USH2A: variants seen among roughly 807,000 people sequenced by gnomAD.
USH2A encodes usherin.
In USH2A, 443 loss-of-function variants were observed where a neutral mutation model predicts 538.9. That is an observed-to-expected ratio of 0.82 (90% CI 0.76 to 0.89). The LOEUF (loss-of-function observed/expected upper bound fraction) is 0.89. USH2A is among the 40% of genes least tolerant of loss of function. The pLI is 0.00. For synonymous variants in USH2A, 2,413 were observed against 2,273.5 expected (o/e 1.06, Z -1.75); for missense variants, 6,633 against 6,324.8 (o/e 1.05, Z -1.65).
rs1347259754 is a variant in USH2A, at chr1:215,856,842, T to TGG, written c.8845+10164_8845+10165insCC. On this transcript the variant is annotated intron_variant, in intron 44 of 71. Coordinates refer to ENST00000307340, the MANE Select transcript of USH2A (RefSeq NM_206933.4). The stretch of plus-strand genomic sequence containing the variant: ...TGGATAAAAAAATTTGGTGTGTGTG[T>TGG]GTGTGTGTGTGTGTGTGTGTGTGTG... Among the ~76,000 whole-genome samples the TGG allele has an allele frequency of 4.5e-3, 531 of 117,558 alleles. 3 individuals are homozygous for TGG. Among genetic ancestry groups the TGG allele is most frequent in the African/African-American group, 0.018 (507 of 27,420 alleles). 77.1% of individuals were successfully genotyped at this position (117,558 alleles called of 152,430 possible). A position where few individuals can be genotyped will look rare whatever the true frequency, so the allele number is the denominator to read the frequency against.
intron 35 of USH2A, among the ~76,000 whole-genome samples, chr1:215,978,165 G>A (rs1454373153): frequency 1.3e-5 from 2 of 152,138 alleles, no homozygotes; most frequent in Admixed American, 1.3e-4. Flanking sequence ...CTTACTTTGA[G>A]ACAGACAATA....
At chr1:216,321,165 C>A (rs1240996315) in intron 9 of USH2A, among the ~76,000 whole-genome samples, 1 of 152,096 alleles carries the variant, frequency 6.6e-6, no homozygotes, top group Non-Finnish European at 1.5e-5. Flanking sequence ...AACATATTTA[C>A]TGAAGAGTCT....
At chr1:215,907,945 T>C (rs529656124) in intron 38 of USH2A, among the ~76,000 whole-genome samples, 24 of 151,992 alleles carry the variant, frequency 1.6e-4, no homozygotes, top group Non-Finnish European at 2.9e-4. Context: ...CAACAATTGT[T>C]AGAATCCCGA....
At chr1:216,262,995 A>T (rs1003357357) in intron 11 of USH2A, among the ~76,000 whole-genome samples, 1 of 152,176 alleles carries the variant, frequency 6.6e-6, no homozygotes, top group African/African-American at 2.4e-5. Flanking sequence ...GACTATTATG[A>T]ATAACTATAT....
chr1:215,782,962 A>G lies in USH2A; in HGVS notation c.10388-27T>C, dbSNP rs7518466. ...TGGAAAGAGAAAAAATAGACAGGGA[A>G]GTTTCTCTTATTTTCATTTTTTAAC... On this transcript the variant is annotated intron_variant, in intron 52 of 71. Coordinates refer to ENST00000307340, the MANE Select transcript of USH2A (RefSeq NM_206933.4). 0.54 allele frequency: 862,904 copies of G among 1,597,496 alleles called. 235,087 individuals are homozygous for G. Among genetic ancestry groups the G allele is most frequent in the African/African-American group, 0.73 (54,181 of 74,482 alleles).
intron 4 of USH2A, among the ~76,000 whole-genome samples, chr1:216,359,685 T>C (rs2038453744): frequency 6.6e-6 from 1 of 152,136 alleles, no homozygotes; most frequent in Non-Finnish European, 1.5e-5. Flanking sequence ...GTCCATTATA[T>C]ACATTTATTA....
intron 32 of USH2A, among the ~76,000 whole-genome samples, chr1:216,019,613 T>G (rs1251405906): frequency 2.6e-5 from 4 of 152,180 alleles, no homozygotes; most frequent in Non-Finnish European, 5.9e-5. Flanking sequence ...ACTGTATGTC[T>G]ATTTAATAAA....
chr1:216,351,132 G>A (rs992297778), intron 4 of USH2A, among the ~76,000 whole-genome samples: 4 of 152,074 alleles, frequency 2.6e-5, no homozygotes, highest in Non-Finnish European at 4.4e-5. Flanking sequence ...GTATATCAGT[G>A]AGTAATGCAA....
chr1:215,928,144 A>G (rs1408876296), intron 38 of USH2A, among the ~76,000 whole-genome samples: 2 of 152,124 alleles, frequency 1.3e-5, no homozygotes, highest in African/African-American at 4.8e-5. Flanking sequence ...AGTTACAAGC[A>G]GAAATCAGAA....
intron 21 of USH2A, among the ~76,000 whole-genome samples, chr1:216,104,837 A>C (rs557893283): frequency 3.3e-5 from 5 of 152,304 alleles, no homozygotes; most frequent in South Asian, 4.1e-4. Flanking sequence ...TAATTAAACT[A>C]AAGAGCTTCT....
intron 32 of USH2A, among the ~76,000 whole-genome samples, chr1:216,003,688 A>G (rs1018107808): frequency 4.6e-5 from 7 of 152,070 alleles, no homozygotes. Context: ...ATGATATTAG[A>G]GATTTAATGA....
rs7547066 is a variant in USH2A, at chr1:215,889,128, G to A, written c.7595-74C>T. The A allele has an allele frequency of 3.2e-4, 483 of 1,526,356 alleles. No individual in the cohort carries two copies. In the African/African-American group the frequency reaches 6.1e-3, roughly 19 times the overall value. The allele number at this position is 1,526,356 out of a possible 1,614,324, so 94.6% of individuals were successfully genotyped here. On this transcript the variant is annotated intron_variant, in intron 40 of 71. Coordinates refer to ENST00000307340, the MANE Select transcript of USH2A (RefSeq NM_206933.4). ...ACCTCTCCTCAAAGCTAAAATGAGT[G>A]ATAGCTCTGCTACAAGGATATGAAA... is the stretch of plus-strand genomic sequence containing the variant.
chr1:215,994,197 T>C (rs1172498715), intron 34 of USH2A, among the ~76,000 whole-genome samples: 3 of 152,044 alleles, frequency 2.0e-5, no homozygotes, highest in Non-Finnish European at 4.4e-5. Context: ...CATAAGACAA[T>C]GTAAAAAAGC....
chr1:215,630,499 T>C (rs1469526933), intron 70 of USH2A, among the ~76,000 whole-genome samples: 6 of 114,608 alleles, frequency 5.2e-5, no homozygotes, highest in Admixed American at 1.8e-4. Context: ...TATATATATA[T>C]ATATATATAT....
intron 21 of USH2A, among the ~76,000 whole-genome samples, chr1:216,120,360 C>A (rs1180104414): frequency 1.5e-5 from 2 of 130,642 alleles, no homozygotes; most frequent in Non-Finnish European, 3.3e-5. Context: ...CACGGTGAAA[C>A]CCCGTCTGTA....
At chr1:216,272,703 G>A (rs76372431) in intron 11 of USH2A, among the ~76,000 whole-genome samples, 5,875 of 152,072 alleles carry the variant, frequency 0.039, 367 homozygotes, top group African/African-American at 0.13. Flanking sequence ...GCTGGGGTGG[G>A]CAGAGGAAAA....
intron 11 of USH2A, among the ~76,000 whole-genome samples, chr1:216,284,367 TA>T (rs2036841751): frequency 6.6e-6 from 1 of 152,160 alleles, no homozygotes; most frequent in African/African-American, 2.4e-5. Flanking sequence ...GATGGTTTTA[TA>T]AGGAACTTTC....
chr1:216,317,006 A>G (rs571318947), intron 9 of USH2A, among the ~76,000 whole-genome samples: 2 of 152,292 alleles, frequency 1.3e-5, no homozygotes, highest in South Asian at 4.1e-4. Flanking sequence ...GATAGAATGC[A>G]AAAATATTCT....
At chr1:216,337,189 G>A (rs1312736918) in intron 4 of USH2A, among the ~76,000 whole-genome samples, 1 of 151,378 alleles carries the variant, frequency 6.6e-6, no homozygotes, top group African/African-American at 2.4e-5. Context: ...GACAATGACA[G>A]CTAATAACTA....
Sources: allele counts gnomAD v4.1 joint callset (sites outside exome capture counted in the v4.1 genomes callset), GRCh38; gene constraint gnomAD v4.1.1; transcripts MANE v1.5; gene names NCBI Gene and HGNC (gene_info 2026-07-23, HGNC 2026-07-21).